The following ANKFY1 variants were observed in gnomAD, a reference collection of about 807,000 sequenced individuals.
ANKFY1 encodes the protein ankyrin repeat and FYVE domain containing 1, also known as ankyrin repeat and FYVE domain-containing protein 1.
A neutral mutation model predicts 128.3 loss-of-function variants in ANKFY1; 47 were observed. The observed-to-expected ratio is 0.37, with a 90% CI of 0.29 to 0.47. ANKFY1 has a LOEUF of 0.47. Ranked by LOEUF, ANKFY1 falls within the 20% of genes least tolerant of loss-of-function variation. The pLI is 1.00. For missense variants in ANKFY1, 1,222 were observed against 1,510.6 expected, an observed-to-expected ratio of 0.81 and a Z score of 3.17; for synonymous variants, 553 against 601.6, an observed-to-expected ratio of 0.92 and a Z score of 1.18.
chr17:4,252,965 T>A (rs575837341), intron 1 of ANKFY1, among the ~76,000 whole-genome samples: 2 of 152,256 alleles, frequency 1.3e-5, no homozygotes, highest in South Asian at 4.1e-4. Context: ...TGACCCCATA[T>A]GAAAGTGTAG....
chr17:4,168,099 AGTCAAT>A, intron 24 of ANKFY1, 188 bp from the exon 25 acceptor site: 1 of 554,406 alleles, frequency 1.8e-6, no homozygotes, highest in Non-Finnish European at 3.1e-6. Flanking sequence ...ACAAAACTCT[AGTCAAT>A]CATCAAGTTA....
chr17:4,199,013 T>C (rs972616248), intron 7 of ANKFY1, among the ~76,000 whole-genome samples: 2 of 151,818 alleles, frequency 1.3e-5, no homozygotes, highest in African/African-American at 4.8e-5. Flanking sequence ...AAAAAAAACT[T>C]AGCAAGGAGC....
intron 11 of ANKFY1, chr17:4,186,558 A>C (rs1248034479): frequency 3.9e-5 from 6 of 152,258 alleles, no homozygotes; most frequent in African/African-American, 1.4e-4. Context: ...TATCTGTGGG[A>C]CTTTCCACTG....
intron 11 of ANKFY1, chr17:4,186,434 AT>A (rs988053914): frequency 6.8e-4 from 104 of 152,416 alleles, no homozygotes; most frequent in Middle Eastern, 3.4e-3. Flanking sequence ...AAAAAAAAAA[AT>A]ATCCTTTCCC....
At chr17:4,173,524 T>G in intron 20 of ANKFY1, 80 bp from the exon 21 acceptor site, 1 of 1,329,764 alleles carries the variant, frequency 7.5e-7, no homozygotes, top group South Asian at 1.2e-5. Flanking sequence ...CTCACAGACC[T>G]CTCTGTAAAT....
chr17:4,245,167 C>A (rs1967468369), intron 1 of ANKFY1, among the ~76,000 whole-genome samples: 1 of 152,126 alleles, frequency 6.6e-6, no homozygotes, highest in Non-Finnish European at 1.5e-5. Flanking sequence ...CACGTGCTTC[C>A]CTGCATCCTT....
At chr17:4,223,156 A>G in intron 3 of ANKFY1, 1 of 787,752 alleles carries the variant, frequency 1.3e-6, no homozygotes. Context: ...TTCAGGTGAC[A>G]ATGATGCTCA....
chr17:4,219,748 A>G (rs1352751483), intron 3 of ANKFY1, among the ~76,000 whole-genome samples: 1 of 152,194 alleles, frequency 6.6e-6, no homozygotes, highest in Non-Finnish European at 1.5e-5. Context: ...AAAGTGAAAT[A>G]CACTAAAATG....
chr17:4,180,760 CAAAAAA>C (rs11392631), intron 16 of ANKFY1, among the ~76,000 whole-genome samples: 3 of 58,026 alleles, frequency 5.2e-5, no homozygotes, highest in Non-Finnish European at 1.0e-4. Context: ...GACTCTGTCT[CAAAAAA>C]AAAAAAAAAA....
At chr17:4,224,302 A>G (rs983639855) in intron 3 of ANKFY1, among the ~76,000 whole-genome samples, 4 of 133,998 alleles carry the variant, frequency 3.0e-5, no homozygotes, top group Non-Finnish European at 6.1e-5. Flanking sequence ...GGCTCACTGC[A>G]GGCTCTGCCC....
intron 13 of ANKFY1, 101 bp downstream of exon 13, chr17:4,183,711 T>C (rs2059557870): frequency 7.1e-7 from 1 of 1,414,304 alleles, no homozygotes; most frequent in Non-Finnish European, 9.8e-7. Context: ...ACCAAATGAT[T>C]AGCCCAGTCT....
At chr17:4,177,676 A>G (rs1240094870) in intron 18 of ANKFY1, among the ~76,000 whole-genome samples, 3 of 152,358 alleles carry the variant, frequency 2.0e-5, no homozygotes, top group Non-Finnish European at 4.4e-5. Flanking sequence ...AAGCCTTGGG[A>G]GTCTCTTTGC....
At chr17:4,194,103 A>ATATATATTTTTTT (rs1555627694) in intron 10 of ANKFY1, among the ~76,000 whole-genome samples, 3 of 108,186 alleles carry the variant, frequency 2.8e-5, no homozygotes, top group African/African-American at 1.5e-4. Flanking sequence ...ATATATATAT[A>ATATATATTTTTTT]TTTTTTTTTT....
At chr17:4,174,319 G>A (rs906922782) in intron 19 of ANKFY1, among the ~76,000 whole-genome samples, 29 of 152,140 alleles carry the variant, frequency 1.9e-4, no homozygotes, top group Non-Finnish European at 3.1e-4. Flanking sequence ...TAAGGTTTTC[G>A]TGTATAAAAG....
chr17:4,179,975 C>G, intron 16 of ANKFY1, 98 bp from the exon 17 acceptor site: 1 of 1,475,384 alleles, frequency 6.8e-7, no homozygotes. Context: ...TCCAATCCAA[C>G]AGCGTCTGCT....
At chr17:4,239,151 T>A (rs1436500294) in intron 2 of ANKFY1, among the ~76,000 whole-genome samples, 2 of 152,332 alleles carry the variant, frequency 1.3e-5, no homozygotes, top group East Asian at 3.9e-4. Context: ...AACTGCCCAG[T>A]CTCATTCCCA....
chr17:4,178,902 CTTG>C lies in ANKFY1; in HGVS notation c.2550_2552del (p.Asn850del), dbSNP rs760292523. On this transcript the variant is annotated inframe_deletion, in exon 18 of 25. Coordinates refer to ENST00000341657, the MANE Select transcript of ANKFY1 (RefSeq NM_001330063.2). This position sits in a 1 kb window ranked among gnomAD's most constrained non-coding sequence, Gnocchi z 4.1. Reference sequence around the variant, plus strand: ...CTCGTTTGAGAATGGCCTCGGCTGACTTGTTGTTCTTGAAAGTCATGGCACAGG... The same window carrying C: ...CTCGTTTGAGAATGGCCTCGGCTGACTTGTTCTTGAAAGTCATGGCACAGG... 2.9e-5 allele frequency: 47 copies of C among 1,614,188 alleles called. No homozygotes were observed. The highest frequency in any genetic ancestry group is 3.6e-5 in the Non-Finnish European group (43 of 1,180,034).
intron 1 of ANKFY1, among the ~76,000 whole-genome samples, chr17:4,260,316 A>G (rs1280801593): frequency 6.6e-6 from 1 of 152,140 alleles, no homozygotes; most frequent in East Asian, 1.9e-4. Context: ...GAAGTAGTTC[A>G]CTTACAAACG....
At position 4,194,993 on chromosome 17, in the gene ANKFY1, G is replaced by T. The variant is rs774171329; in HGVS notation, c.1357C>A (p.Pro453Thr). 1 of 1,614,178 alleles carries T rather than the reference G, an allele frequency of 6.2e-7. No homozygotes were observed. Among genetic ancestry groups the T allele is most frequent in the Non-Finnish European group, 8.5e-7 (1 of 1,180,044 alleles). The change falls in exon 10 of 25, where the codon CCT (proline) becomes ACT (threonine). Residue 453 changes from proline to threonine, a missense_variant. Physicochemically the swap from Pro to Thr is conservative, Grantham distance 38. Coordinates refer to ENST00000341657, the MANE Select transcript of ANKFY1 (RefSeq NM_001330063.2). ...LIQRGSHTDA[P>T]DTATGNCLLQ... ...CGTGCTTTACCTGTCGCCGTGTCAG[G>T]TGCGTCTGTGTGGCTGCCGCGCTGG... is the stretch of plus-strand genomic sequence containing the variant.
Sources: gnomAD v4.1 joint callset for allele counts (sites outside exome capture counted in the v4.1 genomes callset) on GRCh38, gnomAD v4.1.1 for gene constraint, Gnocchi (gnomAD v3.1) non-coding constraint, MANE v1.5 for transcripts, NCBI Gene and HGNC (gene_info 2026-07-23, HGNC 2026-07-21) for gene names.